The following PDE10A variants were observed in gnomAD, a reference collection of about 807,000 sequenced individuals.
PDE10A encodes phosphodiesterase 10A, also known as cAMP and cAMP-inhibited cGMP 3',5'-cyclic phosphodiesterase 10A.
Under a neutral mutation model 97.7 loss-of-function variants are expected in PDE10A, and 39 were observed. The observed-to-expected ratio is 0.40, with a 90% CI of 0.31 to 0.52. The LOEUF (loss-of-function observed/expected upper bound fraction) is 0.52. Ranked by LOEUF, PDE10A falls within the 20% of genes least tolerant of loss-of-function variation. The pLI is 0.56. For missense variants in PDE10A, 731 were observed against 1,047.8 expected (o/e 0.70, Z 4.17); for synonymous variants, 371 against 376.8 (o/e 0.98, Z 0.18).
intron 1 of PDE10A, among the ~76,000 whole-genome samples, chr6:165,831,675 C>CG (rs1356054986): frequency 6.6e-6 from 1 of 151,606 alleles, no homozygotes; most frequent in Non-Finnish European, 1.5e-5. Flanking sequence ...TCAGTAGAGA[C>CG]GGGGTTTCAC....
chr6:165,358,094 T>C (rs1367078610), intron 18 of PDE10A, among the ~76,000 whole-genome samples: 2 of 152,162 alleles, frequency 1.3e-5, no homozygotes, highest in Non-Finnish European at 2.9e-5. Context: ...AGAAGTATAC[T>C]GTTTACTTTC....
At chr6:165,619,368 T>TCTAGC (rs1562634535) in intron 1 of PDE10A, among the ~76,000 whole-genome samples, 2 of 119,370 alleles carry the variant, frequency 1.7e-5, no homozygotes, top group Non-Finnish European at 3.7e-5. Context: ...TCTAGTGTAG[T>TCTAGC]GTGGTGTAGT....
At chr6:165,535,726 C>T (rs531194686) in intron 2 of PDE10A, among the ~76,000 whole-genome samples, 7 of 150,228 alleles carry the variant, frequency 4.7e-5, no homozygotes, top group African/African-American at 1.5e-4. Context: ...GCACAGGTAT[C>T]TTTTCTATAT....
At chr6:165,759,532 G>A (rs1455860453) in intron 1 of PDE10A, among the ~76,000 whole-genome samples, 4 of 152,170 alleles carry the variant, frequency 2.6e-5, no homozygotes, top group Non-Finnish European at 5.9e-5. Flanking sequence ...AGAGCCCACA[G>A]TTTGTCTCTC....
At chr6:165,543,631 T>A (rs912286228) in intron 1 of PDE10A, 63 bp from the exon 2 acceptor site, 6 of 1,326,158 alleles carry the variant, frequency 4.5e-6, no homozygotes, top group Non-Finnish European at 6.3e-6. Context: ...ATGAAAGGTA[T>A]AGTATCACAA....
At chr6:165,825,871 A>T (rs190003046) in intron 1 of PDE10A, among the ~76,000 whole-genome samples, 20 of 152,314 alleles carry the variant, frequency 1.3e-4, no homozygotes, top group Admixed American at 1.2e-3. Context: ...ACCCGGCTTC[A>T]CCATTTTCTT....
intron 13 of PDE10A, among the ~76,000 whole-genome samples, chr6:165,403,486 C>A (rs1181541346): frequency 6.6e-6 from 1 of 152,142 alleles, no homozygotes; most frequent in Non-Finnish European, 1.5e-5. Flanking sequence ...TGCACACCAA[C>A]TGGTATTCTT....
chr6:165,878,470 T>A (rs1031920471), intron 1 of PDE10A, among the ~76,000 whole-genome samples: 13 of 152,306 alleles, frequency 8.5e-5, no homozygotes, highest in Non-Finnish European at 1.9e-4. Context: ...GTCAACATCA[T>A]CCTCACTTAA....
intron 1 of PDE10A, among the ~76,000 whole-genome samples, chr6:165,953,732 T>A (rs1784044537): frequency 6.6e-6 from 1 of 152,262 alleles, no homozygotes; most frequent in African/African-American, 2.4e-5. Context: ...TTACAAGTGA[T>A]GCACCAATAC....
At chr6:165,691,370 T>C (rs1383694894) in intron 1 of PDE10A, among the ~76,000 whole-genome samples, 1 of 151,944 alleles carries the variant, frequency 6.6e-6, no homozygotes, top group East Asian at 1.9e-4. Context: ...TGCCTACAGA[T>C]TCAGTAAAGT....
chr6:165,349,176 G>T (rs951691747), intron 18 of PDE10A, among the ~76,000 whole-genome samples: 2 of 152,194 alleles, frequency 1.3e-5, no homozygotes, highest in Admixed American at 1.3e-4. Context: ...ATATGGGAAA[G>T]TTTGGAATTT....
At chr6:165,486,816 C>G (rs967762130) in intron 2 of PDE10A, among the ~76,000 whole-genome samples, 1 of 152,218 alleles carries the variant, frequency 6.6e-6, no homozygotes, top group African/African-American at 2.4e-5. Flanking sequence ...TGAAATCAAT[C>G]TGTCACTTCA....
At chr6:165,795,637 A>T (rs1485577760) in intron 1 of PDE10A, among the ~76,000 whole-genome samples, 1 of 152,168 alleles carries the variant, frequency 6.6e-6, no homozygotes, top group Non-Finnish European at 1.5e-5. Context: ...CTGTAATTCC[A>T]GCTACTCGGG....
intron 13 of PDE10A, among the ~76,000 whole-genome samples, chr6:165,398,662 A>T (rs1786382302): frequency 6.6e-6 from 1 of 152,192 alleles, no homozygotes; most frequent in African/African-American, 2.4e-5. Flanking sequence ...ATATATTACC[A>T]ATATGGGTTC....
At chr6:165,627,279 A>C (rs562728336) in intron 1 of PDE10A, among the ~76,000 whole-genome samples, 2 of 152,214 alleles carry the variant, frequency 1.3e-5, no homozygotes, top group African/African-American at 4.8e-5. Flanking sequence ...TGTTATTTCC[A>C]TCAGAAAACT....
At chr6:165,558,984 A>G (rs1484932855) in intron 1 of PDE10A, among the ~76,000 whole-genome samples, 1 of 148,094 alleles carries the variant, frequency 6.8e-6, no homozygotes, top group African/African-American at 2.6e-5. Context: ...GAAGCACTAT[A>G]ACAACAATTC....
intron 8 of PDE10A, among the ~76,000 whole-genome samples, chr6:165,430,918 C>T (rs990346939): frequency 1.3e-5 from 2 of 152,088 alleles, no homozygotes; most frequent in Non-Finnish European, 2.9e-5. Context: ...ACAAAGAACG[C>T]TATATTGCTA....
intron 1 of PDE10A, among the ~76,000 whole-genome samples, chr6:165,769,417 C>T (rs1202324456): frequency 6.6e-6 from 1 of 152,008 alleles, no homozygotes; most frequent in Non-Finnish European, 1.5e-5. Context: ...AAATTATAAC[C>T]TATTTTGAAA....
intron 1 of PDE10A, among the ~76,000 whole-genome samples, chr6:165,854,718 C>T (rs1780670654): frequency 5.9e-5 from 9 of 152,314 alleles, no homozygotes. Flanking sequence ...GCCCCAGAGG[C>T]CTGGCCTGAG....
Sources: allele counts gnomAD v4.1 joint callset (sites outside exome capture counted in the v4.1 genomes callset), GRCh38; gene constraint gnomAD v4.1.1; transcripts MANE v1.5; gene names NCBI Gene and HGNC (gene_info 2026-07-23, HGNC 2026-07-21).